The following SH3RF3 variants were observed in gnomAD, a reference collection of about 807,000 sequenced individuals.
The protein encoded by SH3RF3 is E3 ubiquitin-protein ligase SH3RF3.
A neutral mutation model predicts 66.3 loss-of-function variants in SH3RF3; 29 were observed. The observed-to-expected ratio is 0.44, with a 90% CI of 0.33 to 0.60. The LOEUF is 0.60. Ranked by LOEUF, SH3RF3 falls within the 20% of genes least tolerant of loss-of-function variation. The pLI is 0.04. For missense variants in SH3RF3, 1,194 were observed against 1,190.9 expected, an observed-to-expected ratio of 1.00 and a Z score of -0.04; for synonymous variants, 583 against 532.0, an observed-to-expected ratio of 1.10 and a Z score of -1.32.
At chr2:109,420,646 C>T (rs561731112) in intron 5 of SH3RF3, among the ~76,000 whole-genome samples, 12 of 152,200 alleles carry the variant, frequency 7.9e-5, no homozygotes, top group African/African-American at 2.4e-4. Context: ...GGGGTTTCAC[C>T]GTGTTAGCCA....
chr2:109,332,138 C>G (rs1682301824), intron 1 of SH3RF3, among the ~76,000 whole-genome samples: 1 of 152,176 alleles, frequency 6.6e-6, no homozygotes, highest in South Asian at 2.1e-4. Flanking sequence ...GTAAAGAGCA[C>G]CAGAGAGGCG....
intron 1 of SH3RF3, among the ~76,000 whole-genome samples, chr2:109,213,175 G>A (rs532855263): frequency 6.6e-6 from 1 of 152,336 alleles, no homozygotes; most frequent in African/African-American, 2.4e-5. Context: ...CATGGGCGCG[G>A]TTGCTTATTC....
chr2:109,279,221 T>A (rs1680826985), intron 1 of SH3RF3, among the ~76,000 whole-genome samples: 1 of 152,230 alleles, frequency 6.6e-6, no homozygotes. Context: ...TGCTATTAGC[T>A]TGTCGAGAGC....
At chr2:109,223,270 G>T (rs1420003639) in intron 1 of SH3RF3, among the ~76,000 whole-genome samples, 3 of 152,178 alleles carry the variant, frequency 2.0e-5, no homozygotes, top group African/African-American at 4.8e-5. Context: ...CAGATCCAGA[G>T]CCCTCAGAGG....
intron 2 of SH3RF3, among the ~76,000 whole-genome samples, chr2:109,369,247 C>A (rs1446525294): frequency 6.6e-6 from 1 of 151,602 alleles, no homozygotes; most frequent in Non-Finnish European, 1.5e-5. Context: ...ACTCTAGAGG[C>A]TGAGGCAGGG....
At chr2:109,362,412 T>C (rs1683065981) in intron 2 of SH3RF3, among the ~76,000 whole-genome samples, 1 of 152,234 alleles carries the variant, frequency 6.6e-6, no homozygotes, top group Non-Finnish European at 1.5e-5. Context: ...TTAATGCTAT[T>C]GTGGCCTGAG....
intron 3 of SH3RF3, among the ~76,000 whole-genome samples, chr2:109,390,964 G>T (rs546817658): frequency 6.6e-6 from 1 of 152,326 alleles, no homozygotes; most frequent in East Asian, 1.9e-4. Flanking sequence ...CTGATCTGCA[G>T]CTTGGCCAAC....
chr2:109,496,570 C>G (rs1016110268), intron 9 of SH3RF3, among the ~76,000 whole-genome samples: 3 of 152,244 alleles, frequency 2.0e-5, no homozygotes, highest in African/African-American at 7.2e-5. Context: ...GCCTGGCCGA[C>G]TCCTGCCCCT....
intron 4 of SH3RF3, among the ~76,000 whole-genome samples, chr2:109,406,039 G>C (rs922167439): frequency 1.1e-4 from 16 of 152,330 alleles, no homozygotes; most frequent in African/African-American, 3.6e-4. Flanking sequence ...ACACAGCTGC[G>C]GGGCTCTGGC....
intron 4 of SH3RF3, among the ~76,000 whole-genome samples, chr2:109,410,142 T>C (rs954977847): frequency 6.6e-6 from 1 of 152,190 alleles, no homozygotes; most frequent in African/African-American, 2.4e-5. Context: ...TAGTGTCTGG[T>C]TACAACCTGG....
At chr2:109,371,075 C>A (rs930002396) in intron 2 of SH3RF3, among the ~76,000 whole-genome samples, 6 of 152,194 alleles carry the variant, frequency 3.9e-5, no homozygotes, top group Non-Finnish European at 7.3e-5. Flanking sequence ...GGGCTCTTTG[C>A]AGCTATAATC....
intron 1 of SH3RF3, among the ~76,000 whole-genome samples, chr2:109,135,342 G>C (rs1380152510): frequency 1.3e-5 from 2 of 152,182 alleles, no homozygotes; most frequent in Admixed American, 6.5e-5. Flanking sequence ...GGGGTGGTGG[G>C]AATCCCACTG....
intron 1 of SH3RF3, among the ~76,000 whole-genome samples, chr2:109,170,576 C>T (rs1005546072): frequency 6.6e-6 from 1 of 152,076 alleles, no homozygotes; most frequent in Non-Finnish European, 1.5e-5. Flanking sequence ...GATCTCCTGA[C>T]CTCAACCTCG....
At chr2:109,169,088 G>A (rs1677695332) in intron 1 of SH3RF3, among the ~76,000 whole-genome samples, 1 of 152,172 alleles carries the variant, frequency 6.6e-6, no homozygotes, top group Admixed American at 6.5e-5. Context: ...GCCTTTGGAG[G>A]AGCCAGAATT....
At chr2:109,455,492 C>A (rs1302620444) in intron 8 of SH3RF3, among the ~76,000 whole-genome samples, 1 of 151,502 alleles carries the variant, frequency 6.6e-6, no homozygotes, top group Non-Finnish European at 1.5e-5. Flanking sequence ...GTGCACCCAC[C>A]CATTAAATAT....
chr2:109,180,153 G>A (rs1480589108), intron 1 of SH3RF3, among the ~76,000 whole-genome samples: 2 of 151,350 alleles, frequency 1.3e-5, no homozygotes, highest in Admixed American at 1.3e-4. Flanking sequence ...CAGTCACACA[G>A]CTGGGCCCTG....
At chr2:109,277,811 A>C (rs1247068056) in intron 1 of SH3RF3, among the ~76,000 whole-genome samples, 1 of 152,162 alleles carries the variant, frequency 6.6e-6, no homozygotes. Context: ...TGGCAGTCTT[A>C]CCTCTTAAAA....
intron 1 of SH3RF3, among the ~76,000 whole-genome samples, chr2:109,156,710 T>TGG (rs1054655933): frequency 6.6e-6 from 1 of 152,190 alleles, no homozygotes; most frequent in African/African-American, 2.4e-5. Context: ...CCCAAAGTGC[T>TGG]GGGATTACAG....
chr2:109,345,263 A>T (rs1466613094), intron 1 of SH3RF3, among the ~76,000 whole-genome samples: 1 of 151,824 alleles, frequency 6.6e-6, no homozygotes, highest in African/African-American at 2.4e-5. Flanking sequence ...CTTTATGTCA[A>T]CCAGTCTAGA....
Sources: allele counts gnomAD v4.1 joint callset (sites outside exome capture counted in the v4.1 genomes callset), GRCh38; gene constraint gnomAD v4.1.1; transcripts MANE v1.5; gene names NCBI Gene and HGNC (gene_info 2026-07-23, HGNC 2026-07-21).